Variants in NAALADL2 observed in about 807,000 individuals in gnomAD.
NAALADL2 encodes N-acetylated alpha-linked acidic dipeptidase like 2.
In NAALADL2, 76 loss-of-function variants were observed where a neutral mutation model predicts 87.2. The ratio of observed to expected loss-of-function variants is 0.87; its 90% confidence interval spans 0.72 to 1.05. NAALADL2 has a LOEUF of 1.05. Among genes scored for constraint, NAALADL2 ranks in the 50% least tolerant of loss-of-function variants. The pLI is 0.00. For missense variants in NAALADL2, 1,089 were observed against 945.8 expected, an observed-to-expected ratio of 1.15 and a Z score of -1.99; for synonymous variants, 354 against 331.0, an observed-to-expected ratio of 1.07 and a Z score of -0.75.
At chr3:174,739,151 CCTTT>C (rs1315675162) in intron 3 of NAALADL2, among the ~76,000 whole-genome samples, 1 of 151,612 alleles carries the variant, frequency 6.6e-6, no homozygotes, top group East Asian at 1.9e-4. Flanking sequence ...CTTTTATTTT[CCTTT>C]ATTTTATTTT....
chr3:174,545,999 GT>G lies in NAALADL2; in HGVS notation c.-183-4562del, dbSNP rs886068230. Among the ~76,000 whole-genome samples, 11 of 149,038 alleles carry G rather than the reference GT, an allele frequency of 7.4e-5. No individual in the cohort carries two copies. In the East Asian group the frequency reaches 7.9e-4, roughly 11 times the overall value. ...TTCCTGTTTTCCTTTTTTTCTGCTTGTTTTTTTTGGTCTTTTTCATGTTGAG... is the reference window on the plus strand; with the variant it reads ...TTCCTGTTTTCCTTTTTTTCTGCTTGTTTTTTTGGTCTTTTTCATGTTGAG... On this transcript the variant is annotated intron_variant, in intron 1 of 3. Coordinates refer to the NAALADL2 transcript ENST00000434257.
intron 2 of NAALADL2, among the ~76,000 whole-genome samples, chr3:174,663,798 T>TG (rs1725719047): frequency 6.6e-6 from 1 of 151,238 alleles, no homozygotes; most frequent in Admixed American, 6.6e-5. Flanking sequence ...TTTTTTCTTT[T>TG]TTTTTTTGAG....
chr3:174,991,538 C>G (rs948237657), intron 1 of NAALADL2, among the ~76,000 whole-genome samples: 2 of 152,024 alleles, frequency 1.3e-5, no homozygotes, highest in African/African-American at 4.8e-5. Flanking sequence ...CAAGTACAAT[C>G]AGATGTGTCC....
chr3:175,091,103 T>A (rs1720038944), intron 1 of NAALADL2, among the ~76,000 whole-genome samples: 1 of 152,174 alleles, frequency 6.6e-6, no homozygotes, highest in Non-Finnish European at 1.5e-5. Flanking sequence ...AACAAAAATT[T>A]ATTCCACAAA....
intron 1 of NAALADL2, among the ~76,000 whole-genome samples, chr3:174,495,504 G>A (rs949512956): frequency 1.3e-4 from 20 of 152,202 alleles, no homozygotes; most frequent in Middle Eastern, 3.4e-3. Context: ...GAGTATTGTG[G>A]CAGACTACTT....
At chr3:175,269,968 G>T (rs944326453) in intron 4 of NAALADL2, among the ~76,000 whole-genome samples, 1 of 152,202 alleles carries the variant, frequency 6.6e-6, no homozygotes, top group African/African-American at 2.4e-5. Flanking sequence ...AATAACTGGT[G>T]AAGTCAGGTA....
At chr3:175,053,893 A>G (rs1167894358) in intron 1 of NAALADL2, among the ~76,000 whole-genome samples, 1 of 152,250 alleles carries the variant, frequency 6.6e-6, no homozygotes, top group African/African-American at 2.4e-5. Flanking sequence ...TAGATATTGC[A>G]TTAGCAACTA....
chr3:175,062,554 C>T (rs1455901609), intron 1 of NAALADL2, among the ~76,000 whole-genome samples: 1 of 149,268 alleles, frequency 6.7e-6, no homozygotes, highest in African/African-American at 2.5e-5. Flanking sequence ...TTTGAAATGC[C>T]CAGCTATTTC....
chr3:175,633,408 T>C (rs1055217386), intron 11 of NAALADL2, among the ~76,000 whole-genome samples: 1 of 152,088 alleles, frequency 6.6e-6, no homozygotes, highest in African/African-American at 2.4e-5. Flanking sequence ...TAATGATCAT[T>C]GGTAACTTGT....
chr3:174,717,235 ACTCT>A (rs1253000427), intron 2 of NAALADL2, among the ~76,000 whole-genome samples: 1 of 151,946 alleles, frequency 6.6e-6, no homozygotes, highest in East Asian at 1.9e-4. Context: ...CTTCCTGGTG[ACTCT>A]CTATTTTTTT....
chr3:175,760,407 A>G (rs1747849567), intron 13 of NAALADL2, among the ~76,000 whole-genome samples: 1 of 152,186 alleles, frequency 6.6e-6, no homozygotes, highest in Non-Finnish European at 1.5e-5. Flanking sequence ...GGAGAGGGAA[A>G]GGGCACAAGG....
intron 11 of NAALADL2, among the ~76,000 whole-genome samples, chr3:175,638,650 C>T (rs562130454): frequency 6.6e-6 from 1 of 152,300 alleles, no homozygotes; most frequent in African/African-American, 2.4e-5. Context: ...GATCCAAATG[C>T]ATGAGCTTTT....
chr3:174,698,414 T>C (rs1729232058), intron 2 of NAALADL2, among the ~76,000 whole-genome samples: 1 of 152,170 alleles, frequency 6.6e-6, no homozygotes, highest in Non-Finnish European at 1.5e-5. Flanking sequence ...TTGAAGATAA[T>C]ATTCTACTCT....
At chr3:175,542,965 A>G (rs1458386083) in intron 9 of NAALADL2, among the ~76,000 whole-genome samples, 2 of 152,200 alleles carry the variant, frequency 1.3e-5, no homozygotes, top group African/African-American at 2.4e-5. Flanking sequence ...CCTTACTCTC[A>G]TTAGGATTCA....
At chr3:175,429,903 C>G (rs373164899) in intron 5 of NAALADL2, among the ~76,000 whole-genome samples, 1 of 151,746 alleles carries the variant, frequency 6.6e-6, no homozygotes, top group Non-Finnish European at 1.5e-5. Flanking sequence ...TAACATTATA[C>G]AATTATTTTA....
At chr3:175,773,570 G>A (rs1467736861) in intron 13 of NAALADL2, 1 of 152,070 alleles carries the variant, frequency 6.6e-6, no homozygotes, top group African/African-American at 2.4e-5. Context: ...AAGTAGTAAT[G>A]TTACTGTCCA....
intron 2 of NAALADL2, among the ~76,000 whole-genome samples, chr3:174,646,006 A>G (rs1354683400): frequency 1.3e-5 from 2 of 152,166 alleles, no homozygotes; most frequent in African/African-American, 4.8e-5. Context: ...TCAGTGTGCA[A>G]AGGAATCTTA....
chr3:175,545,687 A>G (rs1194212182), intron 9 of NAALADL2, among the ~76,000 whole-genome samples: 2 of 152,156 alleles, frequency 1.3e-5, no homozygotes, highest in Non-Finnish European at 2.9e-5. Flanking sequence ...AACTTATTTT[A>G]TATTCCAGGG....
intron 3 of NAALADL2, among the ~76,000 whole-genome samples, chr3:174,806,389 G>A (rs534938803): frequency 2.6e-5 from 4 of 152,092 alleles, no homozygotes; most frequent in Admixed American, 6.6e-5. Flanking sequence ...TTTGTAAGTC[G>A]GTCAATGGAT....
Sources: gnomAD v4.1 joint callset for allele counts (sites outside exome capture counted in the v4.1 genomes callset) on GRCh38, gnomAD v4.1.1 for gene constraint, MANE v1.5 for transcripts, NCBI Gene and HGNC (gene_info 2026-07-23, HGNC 2026-07-21) for gene names.